Variants in TSPAN32 observed in about 807,000 individuals in gnomAD.
TSPAN32 encodes the protein tetraspanin 32.
A neutral mutation model predicts 42.7 loss-of-function variants in TSPAN32; 47 were observed. The ratio of observed to expected loss-of-function variants is 1.10; its 90% CI spans 0.87 to 1.40. TSPAN32 has a LOEUF of 1.40. Ranked by LOEUF, TSPAN32 falls within the 40% of genes most tolerant of loss-of-function variation. The probability of loss-of-function intolerance (pLI) is 0.00; values close to 1 mark genes in which losing one functional copy is unlikely to be tolerated. For missense variants in TSPAN32, 469 were observed against 424.1 expected (o/e 1.11, Z -0.93); for synonymous variants, 175 against 175.9 (o/e 0.99, Z 0.04).
rs375763508 is a variant in TSPAN32 at position 2,316,693 on chromosome 11, C to T, written c.719+26C>T. On this transcript the variant is annotated intron_variant, in intron 8 of 9. Transcript: ENST00000182290. ...GTAGGGCCCCCTGCCTGCCCCCACA[C>T]CCTCTGGAAGGGTCCTCCAGCTCTG... 20 of 1,516,334 alleles carry T rather than the reference C, an allele frequency of 1.3e-5. No individual in the cohort carries two copies. In the African/African-American group the frequency reaches 2.7e-4, roughly 20 times the overall value. The allele number at this position is 1,516,334 out of a possible 1,614,324, so 93.9% of individuals were successfully genotyped here.
At position 2,313,503 on chromosome 11, in the gene TSPAN32, G is replaced by T. The variant is rs895700366; in HGVS notation, c.355-151G>T. On this transcript the variant is annotated intron_variant, in intron 4 of 9. Coordinates refer to ENST00000182290, the MANE Select transcript of TSPAN32 (RefSeq NM_139022.3). The surrounding 1 kb of genome is among the most constrained non-coding windows in gnomAD (Gnocchi z 9.1). Reference sequence around the variant, plus strand: ...CTGGCTGCCCAGGGACCCAGGTTCCGCTTTGGGGAGATCCACCTGCTACAA... The same window carrying T: ...CTGGCTGCCCAGGGACCCAGGTTCCTCTTTGGGGAGATCCACCTGCTACAA... 5 of 621,550 alleles carry T rather than the reference G, an allele frequency of 8.0e-6. No homozygotes were observed. Among genetic ancestry groups the T allele is most frequent in the African/African-American group, 3.7e-5 (2 of 54,118 alleles). 38.5% of individuals were successfully genotyped at this position (621,550 alleles called of 1,614,324 possible). A position where few individuals can be genotyped will look rare whatever the true frequency, so the allele number is the denominator to read the frequency against.
At position 2,317,762 on chromosome 11, in the gene TSPAN32, G is replaced by A. The variant is rs1049467085; in HGVS notation, c.902-101G>A. The A allele has an allele frequency of 3.2e-6, 5 of 1,545,576 alleles. No individual in the cohort carries two copies. In the East Asian group the frequency reaches 9.5e-5, roughly 29 times the overall value. On this transcript the variant is annotated intron_variant, in intron 9 of 9. Transcript: ENST00000182290. This position sits in a 1 kb window ranked among gnomAD's most constrained non-coding sequence, Gnocchi z 6.2. ...GCAAGACACTGGTGGCCCACGGCCT[G>A]GAGGGCTCCACCCAGACACAAGCTG...
Position 2,302,869 on chromosome 11 carries a change from T to C in TSPAN32, c.92T>C (p.Met31Thr), listed in dbSNP as rs1301692647. 2 of 1,613,418 alleles carry C rather than the reference T, an allele frequency of 1.2e-6. No homozygotes were observed. The highest frequency in any genetic ancestry group is 2.7e-5 in the African/African-American group (2 of 74,896). ...CTGCTGGGCCTCTCTGTGGCCACCA[T>C]GGTGACTCTTACCTACTTCGGGGCC... ...ILLLGLSVATMVTLTYFGAHF... is the reference protein window; with the variant it reads ...ILLLGLSVATTVTLTYFGAHF... The change falls in exon 2 of 10, where the codon ATG becomes ACG. Residue 31 changes from methionine to threonine, a missense_variant. Met to Thr is a moderately conservative substitution (Grantham distance 81). Transcript: ENST00000182290.
chr11:2,316,038 A>C lies in TSPAN32; in HGVS notation c.544-191A>C, dbSNP rs1199772571. The C allele has an allele frequency of 3.9e-6, 6 of 1,534,430 alleles. No individual in the cohort carries two copies. In the East Asian group the frequency reaches 1.5e-4, roughly 38 times the overall value. On this transcript the variant is annotated intron_variant, in intron 6 of 9. Coordinates refer to ENST00000182290, the MANE Select transcript of TSPAN32 (RefSeq NM_139022.3). ...TGCCCACAGAGGCCAGCCCTGTCCC[A>C]CTGGGCTTCACCTGCTCGTGCTGCC...
chr11:2,306,899 A>C (rs1848136998), intron 3 of TSPAN32: 1 of 100,536 alleles, frequency 9.9e-6, no homozygotes. Flanking sequence ...GAGGAGGGAG[A>C]AGGAGGGAGG....
rs1052836350 is a variant in TSPAN32, at chr11:2,315,917, G to A, written c.544-312G>A. ...GATGCTGGGAACCCAGAGTGAATTC[G>A]AAGTGGCCCGGCCCAGGGGAGCCAA... On this transcript the variant is annotated intron_variant, in intron 6 of 9. Transcript: ENST00000182290. The A allele has an allele frequency of 2.6e-5, 39 of 1,490,320 alleles. No individual in the cohort carries two copies. The East Asian group carries it at 5.0e-4, about 19-fold the overall frequency. The allele number at this position is 1,490,320 out of a possible 1,614,324, so 92.3% of individuals were successfully genotyped here.
At position 2,317,977 on chromosome 11, in the gene TSPAN32, G is replaced by A; in HGVS notation, c.*53G>A. 1 of 782,090 alleles carries A rather than the reference G, an allele frequency of 1.3e-6. No individual in the cohort carries two copies. 48.4% of individuals were successfully genotyped at this position (782,090 alleles called of 1,614,324 possible). ...ACCTGGAGGCTCCGGGGAAGCATCT[G>A]CCTCCAGGACCATTCAGGCTGTTGA... is the stretch of plus-strand genomic sequence containing the variant. On this transcript the variant is annotated 3_prime_UTR_variant, in exon 10 of 10. Transcript: ENST00000182290. This position sits in a 1 kb window ranked among gnomAD's most constrained non-coding sequence, Gnocchi z 6.2.
At chr11:2,307,437 G>C (rs186936882) in intron 3 of TSPAN32, among the ~76,000 whole-genome samples, 1 of 152,172 alleles carries the variant, frequency 6.6e-6, no homozygotes, top group Non-Finnish European at 1.5e-5. Context: ...TTTCACCGGG[G>C]CCTCAGGACT....
At chr11:2,305,570 G>T (rs79064532) in intron 3 of TSPAN32, among the ~76,000 whole-genome samples, 1 of 152,216 alleles carries the variant, frequency 6.6e-6, no homozygotes, top group Non-Finnish European at 1.5e-5. Flanking sequence ...GCTGGGCCAC[G>T]GGGCTCCTGT....
intron 4 of TSPAN32, 124 bp downstream of exon 4, chr11:2,308,934 G>C (rs1223363903): frequency 7.2e-6 from 5 of 694,074 alleles, no homozygotes; most frequent in Non-Finnish European, 1.2e-5. Context: ...GACCGGGTGG[G>C]GTGGGGGAGA....
Position 2,317,364 on chromosome 11 carries a change from A to G in TSPAN32, c.740A>G (p.Gln247Arg). The change falls in exon 9 of 10, where the codon CAG becomes CGG. Residue 247 changes from glutamine to arginine, a missense_variant. Gln to Arg is a conservative substitution (Grantham distance 43). Coordinates refer to ENST00000182290, the MANE Select transcript of TSPAN32 (RefSeq NM_139022.3). This position sits in a 1 kb window ranked among gnomAD's most constrained non-coding sequence, Gnocchi z 6.2. ...CTCAGAGCATGTGGCCGCCAGCCCC[A>G]GGAGCCCAGCCTCTTGAGATGCTCC... is the stretch of plus-strand genomic sequence containing the variant. ...LTPRACGRQP[Q>R]EPSLLRCSQG... 1 of 1,595,400 alleles carries G rather than the reference A, an allele frequency of 6.3e-7. No homozygotes were observed. The highest frequency in any genetic ancestry group is 8.5e-7 in the Non-Finnish European group (1 of 1,171,044).
At position 2,315,131 on chromosome 11, in the gene TSPAN32, C is replaced by T. The variant is rs1848704123; in HGVS notation, c.543+560C>T. On this transcript the variant is annotated intron_variant, in intron 6 of 9. Coordinates refer to ENST00000182290, the MANE Select transcript of TSPAN32 (RefSeq NM_139022.3). The stretch of plus-strand genomic sequence containing the variant: ...AGGGCCCTGGGAGAGACTGGGCCCT[C>T]CTCTCTTTCTCCTGGTGCCCGGCAG... 6.1e-6 allele frequency: 4 copies of T among 653,448 alleles called. No homozygotes were observed. The South Asian group carries it at 6.7e-5, about 11-fold the overall frequency. The allele number at this position is 653,448 out of a possible 1,614,324, so 40.5% of individuals were successfully genotyped here.
In TSPAN32 at chr11:2,313,758, G is replaced by C. The variant is rs972278489; in HGVS notation, c.456+3G>C. On this transcript the variant is annotated splice_donor_region_variant and intron_variant, in intron 5 of 9. Coordinates refer to ENST00000182290, the MANE Select transcript of TSPAN32 (RefSeq NM_139022.3). This position sits in a 1 kb window ranked among gnomAD's most constrained non-coding sequence, Gnocchi z 9.1. ...AGCTGGCGGCCATCCAGGACGTGGTGAGCGTGGGGACGGCTGGGTGGCAGG... is the reference window on the plus strand; with the variant it reads ...AGCTGGCGGCCATCCAGGACGTGGTCAGCGTGGGGACGGCTGGGTGGCAGG... 1 of 1,587,346 alleles carries C rather than the reference G, an allele frequency of 6.3e-7. No individual in the cohort carries two copies. The highest frequency in any genetic ancestry group is 1.3e-5 in the African/African-American group (1 of 74,482).
At chr11:2,315,531 G>A (rs1848734574) in intron 6 of TSPAN32, 1 of 1,164,282 alleles carries the variant, frequency 8.6e-7, no homozygotes, top group South Asian at 1.7e-5. Flanking sequence ...GCCTCCTGGG[G>A]AGCCGGAAGA....
In TSPAN32 at chr11:2,304,104, C is replaced by A. The variant is rs1219356167; in HGVS notation, c.182-3C>A. On this transcript the variant is annotated splice_region_variant and splice_polypyrimidine_tract_variant and intron_variant, in intron 2 of 9. Transcript: ENST00000182290. This position sits in a 1 kb window ranked among gnomAD's most constrained non-coding sequence, Gnocchi z 4.8. ...AACCCTCCTCCTCTCTCCTCCCAAC[C>A]AGCCTTCTCTGCGGGGTTGAGCCTG... 2 of 1,576,514 alleles carry A rather than the reference C, an allele frequency of 1.3e-6. No homozygotes were observed. The highest frequency in any genetic ancestry group is 1.8e-5 in the Admixed American group (1 of 54,076).
chr11:2,316,558 C>G lies in TSPAN32; in HGVS notation c.628-18C>G. 6.2e-7 allele frequency: 1 copy of G among 1,600,554 alleles called. No homozygotes were observed. On this transcript the variant is annotated intron_variant, in intron 7 of 9. Coordinates refer to ENST00000182290, the MANE Select transcript of TSPAN32 (RefSeq NM_139022.3). ...GCACCCTGGGGCAGTGGGGCAGCCGCGGGTGTCTCCCTCCCAGGTGTCCGC... is the reference window on the plus strand; with the variant it reads ...GCACCCTGGGGCAGTGGGGCAGCCGGGGGTGTCTCCCTCCCAGGTGTCCGC...
chr11:2,313,552 T>C lies in TSPAN32; in HGVS notation c.355-102T>C. On this transcript the variant is annotated intron_variant, in intron 4 of 9. Transcript: ENST00000182290. This position sits in a 1 kb window ranked among gnomAD's most constrained non-coding sequence, Gnocchi z 9.1. ...AAGGAGGGCAGTGCTGGGACGTCAC[T>C]CAGCACTAAGGGCCCACTAGCGTTT... 2 of 883,964 alleles carry C rather than the reference T, an allele frequency of 2.3e-6. No homozygotes were observed. The highest frequency in any genetic ancestry group is 3.5e-6 in the Non-Finnish European group (2 of 572,226). The allele number at this position is 883,964 out of a possible 1,614,324, so 54.8% of individuals were successfully genotyped here.
chr11:2,313,568 A>T lies in TSPAN32; in HGVS notation c.355-86A>T. ...GGACGTCACTCAGCACTAAGGGCCCACTAGCGTTTGGGATGTCGTGGGGAG... is the reference window on the plus strand; with the variant it reads ...GGACGTCACTCAGCACTAAGGGCCCTCTAGCGTTTGGGATGTCGTGGGGAG... On this transcript the variant is annotated intron_variant, in intron 4 of 9. Coordinates refer to ENST00000182290, the MANE Select transcript of TSPAN32 (RefSeq NM_139022.3). The surrounding 1 kb of genome is among the most constrained non-coding windows in gnomAD (Gnocchi z 9.1). 9.3e-7 allele frequency: 1 copy of T among 1,078,908 alleles called. No individual in the cohort carries two copies. The highest frequency in any genetic ancestry group is 1.4e-6 in the Non-Finnish European group (1 of 735,130). 66.8% of individuals were successfully genotyped at this position (1,078,908 alleles called of 1,614,324 possible). A position where few individuals can be genotyped will look rare whatever the true frequency, so the allele number is the denominator to read the frequency against.
intron 4 of TSPAN32, 27 bp downstream of exon 4, chr11:2,308,837 A>G: frequency 6.7e-7 from 1 of 1,503,614 alleles, no homozygotes. Flanking sequence ...CCTACCCTGC[A>G]GTGGAGGGTC....
Sources: gnomAD v4.1 joint callset for allele counts (sites outside exome capture counted in the v4.1 genomes callset) on GRCh38, gnomAD v4.1.1 for gene constraint, Gnocchi (gnomAD v3.1) non-coding constraint, MANE v1.5 for transcripts, NCBI Gene and HGNC (gene_info 2026-07-23, HGNC 2026-07-21) for gene names.